Variants in PRKCE observed in about 807,000 individuals in gnomAD.
PRKCE encodes protein kinase C epsilon type.
A neutral mutation model predicts 85.4 loss-of-function variants in PRKCE; 16 were observed. The ratio of observed to expected loss-of-function variants is 0.19; its 90% CI spans 0.13 to 0.28. The LOEUF (loss-of-function observed/expected upper bound fraction) is 0.28, where lower values mean the gene tolerates loss of function less well. PRKCE is among the 10% of genes least tolerant of loss of function. The probability of loss-of-function intolerance (pLI) is 1.00; values close to 1 mark genes in which losing one functional copy is unlikely to be tolerated. For missense variants in PRKCE, 573 were observed against 975.2 expected (o/e 0.59, Z 5.49); for synonymous variants, 388 against 371.5 (o/e 1.04, Z -0.51).
intron 1 of PRKCE, among the ~76,000 whole-genome samples, chr2:45,693,900 A>C (rs1436992723): frequency 6.6e-6 from 1 of 152,058 alleles, no homozygotes; most frequent in Admixed American, 6.5e-5. Flanking sequence ...GATCCATAGC[A>C]GGGAGAGAAG....
intron 14 of PRKCE, among the ~76,000 whole-genome samples, chr2:46,175,400 A>G (rs569060380): frequency 5.3e-5 from 8 of 152,224 alleles, no homozygotes; most frequent in Non-Finnish European, 1.2e-4. Flanking sequence ...CTAACCATAC[A>G]GTTGTGATCT....
Position 45,712,137 on chromosome 2 carries a change from CTT to C in PRKCE, c.348+59715_348+59716del, listed in dbSNP as rs34233761. 4.6e-3 allele frequency among the ~76,000 whole-genome samples: 210 copies of C among 45,812 alleles called. 1 individual carries two copies. The highest frequency in any genetic ancestry group is 0.019 in the African/African-American group (201 of 10,674). The allele number at this position is 45,812 out of a possible 152,430, so 30.1% of individuals were successfully genotyped here. A position where few individuals can be genotyped will look rare whatever the true frequency, so the allele number is the denominator to read the frequency against. ...ACCTCTTGCCACTCTACGGCCTGTC[CTT>C]TTTTTTTTTTTTTTTTTTTTTTTTT... On this transcript the variant is annotated intron_variant, in intron 1 of 14. Transcript: ENST00000306156.
At chr2:46,158,766 G>T (rs143277417) in intron 13 of PRKCE, among the ~76,000 whole-genome samples, 1 of 151,888 alleles carries the variant, frequency 6.6e-6, no homozygotes, top group Non-Finnish European at 1.5e-5. Flanking sequence ...CCATTATTTC[G>T]GGTAGCTATC....
chr2:45,941,825 A>G (rs945615997), intron 2 of PRKCE, among the ~76,000 whole-genome samples: 4 of 152,130 alleles, frequency 2.6e-5, no homozygotes, highest in Non-Finnish European at 5.9e-5. Context: ...TTCCCTGGCT[A>G]GTTCTGTCTA....
At chr2:46,110,161 A>G in intron 11 of PRKCE, among the ~76,000 whole-genome samples, 1 of 152,050 alleles carries the variant, frequency 6.6e-6, no homozygotes, top group East Asian at 1.9e-4. Flanking sequence ...TTTTCTTGTA[A>G]TATCTTTGTC....
intron 12 of PRKCE, among the ~76,000 whole-genome samples, chr2:46,150,341 A>G (rs569224786): frequency 6.6e-6 from 1 of 152,342 alleles, no homozygotes; most frequent in Admixed American, 6.5e-5. Context: ...GGGGTTCATT[A>G]GTGAAGGTGG....
chr2:45,732,794 A>T (rs946157794), intron 1 of PRKCE, among the ~76,000 whole-genome samples: 2 of 152,106 alleles, frequency 1.3e-5, no homozygotes, highest in Non-Finnish European at 2.9e-5. Flanking sequence ...CTGACCACAG[A>T]ACAACAACAA....
At chr2:45,884,744 TG>T (rs1231529821) in intron 2 of PRKCE, among the ~76,000 whole-genome samples, 3 of 151,846 alleles carry the variant, frequency 2.0e-5, no homozygotes, top group Non-Finnish European at 4.4e-5. Context: ...GTTTTTCTTA[TG>T]AAAGTAATAC....
At chr2:46,156,710 C>G (rs1035855216) in intron 13 of PRKCE, among the ~76,000 whole-genome samples, 2 of 152,202 alleles carry the variant, frequency 1.3e-5, no homozygotes, top group Non-Finnish European at 2.9e-5. Context: ...TGTTGTCCAA[C>G]TTTTCAAATT....
rs1169800664 is a variant in PRKCE, at chr2:45,708,904, C to G, written c.348+56456C>G. On this transcript the variant is annotated intron_variant, in intron 1 of 14. Transcript: ENST00000306156. Reference sequence around the variant, plus strand: ...GTCAGAAGAGGGAAGGAGCCTGACTCTCCAAATCCCTGCTTGGAAGAGAGC... The same window carrying G: ...GTCAGAAGAGGGAAGGAGCCTGACTGTCCAAATCCCTGCTTGGAAGAGAGC... 3.9e-5 allele frequency among the ~76,000 whole-genome samples: 6 copies of G among 152,198 alleles called. No individual in the cohort carries two copies. In the South Asian group the frequency reaches 8.3e-4, roughly 21 times the overall value.
At chr2:45,735,378 G>A (rs796987081) in intron 1 of PRKCE, among the ~76,000 whole-genome samples, 28 of 152,344 alleles carry the variant, frequency 1.8e-4, no homozygotes, top group African/African-American at 6.3e-4. Context: ...CAAAGCAGCT[G>A]TAAGACAGCT....
chr2:45,948,357 G>A (rs1169289341), intron 2 of PRKCE, among the ~76,000 whole-genome samples: 4 of 152,146 alleles, frequency 2.6e-5, no homozygotes, highest in African/African-American at 7.2e-5. Flanking sequence ...TTTTGTATTC[G>A]GGCTGCGTGC....
intron 10 of PRKCE, among the ~76,000 whole-genome samples, chr2:46,017,509 C>A (rs1325641396): frequency 2.0e-5 from 3 of 152,186 alleles, no homozygotes; most frequent in African/African-American, 7.2e-5. Flanking sequence ...CTGCTGTGAA[C>A]ATGGTTGTCT....
At chr2:45,889,609 C>T (rs1431061407) in intron 2 of PRKCE, among the ~76,000 whole-genome samples, 1 of 152,160 alleles carries the variant, frequency 6.6e-6, no homozygotes, top group African/African-American at 2.4e-5. Flanking sequence ...TCTGAGTGTA[C>T]ACCTCTGCTT....
intron 11 of PRKCE, among the ~76,000 whole-genome samples, chr2:46,119,127 A>G (rs1378436525): frequency 2.6e-5 from 4 of 152,124 alleles, no homozygotes; most frequent in African/African-American, 7.2e-5. Context: ...TGGAGGCATA[A>G]TTGGTCCTGT....
At chr2:45,827,740 T>G (rs1690067022) in intron 1 of PRKCE, among the ~76,000 whole-genome samples, 1 of 152,232 alleles carries the variant, frequency 6.6e-6, no homozygotes, top group Non-Finnish European at 1.5e-5. Context: ...TATTTACATC[T>G]TGTTCATTGT....
chr2:45,779,484 C>A (rs1686013517), intron 1 of PRKCE, among the ~76,000 whole-genome samples: 1 of 151,874 alleles, frequency 6.6e-6, no homozygotes, highest in Non-Finnish European at 1.5e-5. Context: ...ACAGAGCCTG[C>A]GAGAGCTAGG....
At chr2:46,132,186 C>T (rs941907675) in intron 11 of PRKCE, among the ~76,000 whole-genome samples, 4 of 152,108 alleles carry the variant, frequency 2.6e-5, no homozygotes, top group African/African-American at 7.2e-5. Context: ...CCAAAGTCCT[C>T]GGTGGTTGCT....
intron 12 of PRKCE, among the ~76,000 whole-genome samples, chr2:46,150,591 G>C (rs1445724089): frequency 6.6e-6 from 1 of 152,196 alleles, no homozygotes; most frequent in East Asian, 1.9e-4. Flanking sequence ...GAAGACCTCT[G>C]CTCACCTTTC....
Sources: allele counts gnomAD v4.1 joint callset (sites outside exome capture counted in the v4.1 genomes callset), GRCh38; gene constraint gnomAD v4.1.1; transcripts MANE v1.5; gene names NCBI Gene and HGNC (gene_info 2026-07-23, HGNC 2026-07-21).